Variants in RPS6KA5 observed in about 807,000 individuals in gnomAD.
The protein encoded by RPS6KA5 is ribosomal protein S6 kinase alpha-5.
Under a neutral mutation model 85.5 loss-of-function variants are expected in RPS6KA5, and 27 were observed. The observed-to-expected ratio is 0.32, with a 90% CI of 0.23 to 0.44. The LOEUF is 0.44. RPS6KA5 is among the 20% of genes least tolerant of loss of function. The pLI is 1.00. For missense variants in RPS6KA5, 811 were observed against 980.9 expected (o/e 0.83, Z 2.31); for synonymous variants, 334 against 348.2 (o/e 0.96, Z 0.46).
At chr14:91,017,024 T>C (rs1002457115) in intron 1 of RPS6KA5, among the ~76,000 whole-genome samples, 1 of 152,210 alleles carries the variant, frequency 6.6e-6, no homozygotes, top group South Asian at 2.1e-4. Context: ...TCCTATCTAC[T>C]GTCATCACCC....
chr14:91,036,900 G>A (rs1196429340), intron 1 of RPS6KA5, among the ~76,000 whole-genome samples: 2 of 152,148 alleles, frequency 1.3e-5, no homozygotes, highest in African/African-American at 4.8e-5. Flanking sequence ...CAGTGGAGAC[G>A]CCTTGGAGCA....
rs1040507065 is a variant in RPS6KA5 at position 90,853,955 on chromosome 14, T to C, written c.*18119A>G. The C allele has an allele frequency of 6.6e-6, 1 of 152,198 alleles. No individual in the cohort carries two copies. The highest frequency in any genetic ancestry group is 2.4e-5 in the African/African-American group (1 of 41,452). The allele number at this position is 152,198 out of a possible 1,614,324, so 9.4% of individuals were successfully genotyped here. ...TATACCAGTACAGGTGGGGGATTAC[T>C]GGCAGGGCAGATAGTCGATTTAAGG... On this transcript the variant is annotated 3_prime_UTR_variant, in exon 17 of 17. Coordinates refer to ENST00000614987, the MANE Select transcript of RPS6KA5 (RefSeq NM_004755.4).
chr14:90,970,806 T>G (rs2039283907), intron 3 of RPS6KA5, among the ~76,000 whole-genome samples: 1 of 152,034 alleles, frequency 6.6e-6, no homozygotes, highest in African/African-American at 2.4e-5. Context: ...GATCTCCACG[T>G]TACAAGATTT....
rs2032671201 is a variant in RPS6KA5 at position 90,863,489 on chromosome 14, G to A, written c.*8585C>T. 1 of 151,156 alleles carries A rather than the reference G, an allele frequency of 6.6e-6. No homozygotes were observed. Among genetic ancestry groups the A allele is most frequent in the Admixed American group, 6.6e-5 (1 of 15,192 alleles). The allele number at this position is 151,156 out of a possible 1,614,324, so 9.4% of individuals were successfully genotyped here. On this transcript the variant is annotated 3_prime_UTR_variant, in exon 17 of 17. Coordinates refer to ENST00000614987, the MANE Select transcript of RPS6KA5 (RefSeq NM_004755.4). Reference sequence around the variant, plus strand: ...AGGCAAGAAAAATAAAAATTGAAAAGGCAGAAATGAAACTGTCATTATTTA... The same window carrying A: ...AGGCAAGAAAAATAAAAATTGAAAAAGCAGAAATGAAACTGTCATTATTTA...
chr14:90,885,552 C>CAA lies in RPS6KA5; in HGVS notation c.1836+4933_1836+4934dup, dbSNP rs780292114. On this transcript the variant is annotated intron_variant, in intron 14 of 16. Transcript: ENST00000614987. ...TGGGCGACAGAGCGAGACTCCGTCT[C>CAA]AAAAAAAAAAAAAAAAAAAAAAAAA... 5.0e-4 allele frequency among the ~76,000 whole-genome samples: 10 copies of CAA among 19,872 alleles called. 1 individual carries two copies. The highest frequency in any genetic ancestry group is 2.1e-3 in the African/African-American group (5 of 2,414). The allele number at this position is 19,872 out of a possible 152,430, so 13.0% of individuals were successfully genotyped here.
chr14:91,029,899 C>T (rs1470239433), intron 1 of RPS6KA5, among the ~76,000 whole-genome samples: 1 of 152,120 alleles, frequency 6.6e-6, no homozygotes, highest in East Asian at 1.9e-4. Context: ...TCCATACCCC[C>T]AAACATAAAG....
intron 2 of RPS6KA5, among the ~76,000 whole-genome samples, chr14:90,999,796 C>T (rs2040702876): frequency 6.6e-6 from 1 of 152,228 alleles, no homozygotes; most frequent in Admixed American, 6.5e-5. Context: ...ATCTCTACAA[C>T]TGCATAGGTC....
At chr14:90,876,829 T>C (rs763305321) in intron 14 of RPS6KA5, among the ~76,000 whole-genome samples, 3 of 152,156 alleles carry the variant, frequency 2.0e-5, no homozygotes, top group African/African-American at 4.8e-5. Context: ...TTAGGAGACA[T>C]GGAAGCCACA....
chr14:90,911,587 G>A (rs2035819240), intron 7 of RPS6KA5: 1 of 152,128 alleles, frequency 6.6e-6, no homozygotes, highest in Non-Finnish European at 1.5e-5. Flanking sequence ...TCCAACACTA[G>A]GGGAAAAGTG....
intron 2 of RPS6KA5, among the ~76,000 whole-genome samples, chr14:90,986,664 A>G (rs1268006749): frequency 2.6e-5 from 4 of 152,200 alleles, no homozygotes; most frequent in African/African-American, 9.6e-5. Flanking sequence ...AGCTGCTGTG[A>G]GTGTTGGCTG....
intron 3 of RPS6KA5, among the ~76,000 whole-genome samples, chr14:90,977,465 T>A (rs969798521): frequency 2.0e-5 from 3 of 152,196 alleles, no homozygotes; most frequent in East Asian, 1.9e-4. Flanking sequence ...AGGAATGGAT[T>A]CAGAAAGTGC....
At chr14:90,992,089 T>C (rs1386223435) in intron 2 of RPS6KA5, among the ~76,000 whole-genome samples, 1 of 152,136 alleles carries the variant, frequency 6.6e-6, no homozygotes, top group Non-Finnish European at 1.5e-5. Flanking sequence ...TTCTAAGTAG[T>C]GCTGAAAAAA....
intron 14 of RPS6KA5, among the ~76,000 whole-genome samples, chr14:90,875,917 G>T (rs2033438008): frequency 3.2e-5 from 4 of 124,658 alleles, no homozygotes; most frequent in Non-Finnish European, 5.0e-5. Context: ...TGGGGGGAGG[G>T]GGGAGGGATA....
chr14:90,870,131 C>A lies in RPS6KA5; in HGVS notation c.*1943G>T, dbSNP rs565381045. The A allele has an allele frequency of 6.6e-6, 1 of 152,234 alleles. No individual in the cohort carries two copies. The highest frequency in any genetic ancestry group is 1.9e-4 in the East Asian group (1 of 5,182). The allele number at this position is 152,234 out of a possible 1,614,324, so 9.4% of individuals were successfully genotyped here. On this transcript the variant is annotated 3_prime_UTR_variant, in exon 17 of 17. Transcript: ENST00000614987. ...AGCAACATAGTCCCTTTAGTTTGTA[C>A]TTTATAACTAGTATTTTCTACCAGG...
chr14:90,933,560 G>C (rs191928573), intron 5 of RPS6KA5, among the ~76,000 whole-genome samples: 1 of 152,216 alleles, frequency 6.6e-6, no homozygotes, highest in East Asian at 1.9e-4. Context: ...CTCTTGCTGG[G>C]ATTACTTCAA....
chr14:90,940,402 G>A (rs2037505495), intron 5 of RPS6KA5, among the ~76,000 whole-genome samples: 1 of 152,168 alleles, frequency 6.6e-6, no homozygotes, highest in Non-Finnish European at 1.5e-5. Context: ...GACACGACTA[G>A]CAGCAAACTC....
chr14:90,978,533 G>A lies in RPS6KA5; in HGVS notation c.176-9C>T, dbSNP rs1443833520. On this transcript the variant is annotated splice_polypyrimidine_tract_variant and intron_variant, in intron 2 of 16. Transcript: ENST00000614987. Reference sequence around the variant, plus strand: ...AAATACTTTTCCATAAGCTGAAAATGAAAAGAAAAAATAAAAAGAATTAAA... The same window carrying A: ...AAATACTTTTCCATAAGCTGAAAATAAAAAGAAAAAATAAAAAGAATTAAA... 5 of 1,549,572 alleles carry A rather than the reference G, an allele frequency of 3.2e-6. No individual in the cohort carries two copies. The highest frequency in any genetic ancestry group is 4.1e-5 in the Admixed American group (2 of 49,272).
intron 2 of RPS6KA5, among the ~76,000 whole-genome samples, chr14:90,983,690 G>T (rs978066549): frequency 2.0e-5 from 3 of 151,104 alleles, no homozygotes; most frequent in Non-Finnish European, 3.0e-5. Flanking sequence ...GGGAAGGGGA[G>T]GGGAAAGGGG....
chr14:91,011,086 C>T (rs191603071), intron 1 of RPS6KA5, among the ~76,000 whole-genome samples: 15 of 152,200 alleles, frequency 9.9e-5, no homozygotes, highest in Admixed American at 7.9e-4. Flanking sequence ...AGTCACCTTA[C>T]GAAATACAAA....
Sources: gnomAD v4.1 joint callset for allele counts (sites outside exome capture counted in the v4.1 genomes callset) on GRCh38, gnomAD v4.1.1 for gene constraint, MANE v1.5 for transcripts, NCBI Gene and HGNC (gene_info 2026-07-23, HGNC 2026-07-21) for gene names.